The following FAM163B variants were observed in gnomAD, a reference collection of about 807,000 sequenced individuals.
FAM163B encodes protein FAM163B.
A neutral mutation model predicts 7.6 loss-of-function variants in FAM163B; 4 were observed. The observed-to-expected ratio is 0.52, with a 90% confidence interval of 0.26 to 1.20. The LOEUF (loss-of-function observed/expected upper bound fraction) is 1.20, where lower values mean the gene tolerates loss of function less well. Among genes scored for constraint, FAM163B ranks in the 50% most tolerant of loss-of-function variants. FAM163B has a pLI of 0.14. For synonymous variants in FAM163B, 120 were observed against 111.6 expected (o/e 1.07, Z -0.47); for missense variants, 250 against 243.0 (o/e 1.03, Z -0.19).
chr9:133,579,188 T>C lies in FAM163B; in HGVS notation c.335A>G (p.Glu112Gly), dbSNP rs748784338. The C allele has an allele frequency of 1.3e-5, 21 of 1,612,038 alleles. No individual in the cohort carries two copies. The East Asian group carries it at 4.7e-4, about 36-fold the overall frequency. ...FFLQEPPEEE[E>G]DVLNGGERVL... ...GCGCTCCCCGCCGTTCAGCACGTCC[T>C]CTTCCTCCTCCGGCGGCTCCTGCAG... is the stretch of plus-strand genomic sequence containing the variant. Residue 112 changes from glutamate (E) to glycine (G), a missense_variant, in exon 3 of 3, where the codon GAG becomes GGG. Physicochemically the swap from Glu to Gly is moderately conservative, Grantham distance 98. Coordinates refer to ENST00000673969, the MANE Select transcript of FAM163B (RefSeq NM_001080515.3).
rs2131203217 is a variant in FAM163B at position 133,577,944 on chromosome 9, C to G, written c.*1078G>C. On this transcript the variant is annotated 3_prime_UTR_variant, in exon 3 of 3. Coordinates refer to ENST00000673969, the MANE Select transcript of FAM163B (RefSeq NM_001080515.3). Reference sequence around the variant, plus strand: ...GTAGGCTCTGGCTGCTTGGGGTCCACCAGGAGCTGGGCCAGGCCTCCTAGG... The same window carrying G: ...GTAGGCTCTGGCTGCTTGGGGTCCAGCAGGAGCTGGGCCAGGCCTCCTAGG... Among the ~76,000 whole-genome samples, 1 of 152,256 alleles carries G rather than the reference C, an allele frequency of 6.6e-6. No individual in the cohort carries two copies. Among genetic ancestry groups the G allele is most frequent in the African/African-American group, 2.4e-5 (1 of 41,546 alleles).
chr9:133,589,617 C>T (rs927154736), intron 1 of FAM163B, among the ~76,000 whole-genome samples: 4 of 78,344 alleles, frequency 5.1e-5, no homozygotes, highest in Non-Finnish European at 9.4e-5. Flanking sequence ...CACCAGGGGG[C>T]GACACAGCGC....
rs376861544 is a variant in FAM163B at position 133,606,860 on chromosome 9, G to T, written c.-24+2217C>A. Among the ~76,000 whole-genome samples, 15 of 152,322 alleles carry T rather than the reference G, an allele frequency of 9.8e-5. No homozygotes were observed. Among genetic ancestry groups the T allele is most frequent in the African/African-American group, 3.4e-4 (14 of 41,572 alleles). On this transcript the variant is annotated intron_variant, in intron 1 of 2. Coordinates refer to ENST00000673969, the MANE Select transcript of FAM163B (RefSeq NM_001080515.3). This position sits in a 1 kb window ranked among gnomAD's most constrained non-coding sequence, Gnocchi z 4.0. ...TAATTATTCCTCGCTGGAGCCCGCT[G>T]CCATGAGGCTGCAGAGGCAGGCCCA...
chr9:133,588,838 G>T (rs142162193), intron 1 of FAM163B, among the ~76,000 whole-genome samples: 293 of 151,842 alleles, frequency 1.9e-3, no homozygotes, highest in African/African-American at 6.3e-3. Context: ...GGTCGTGGGC[G>T]CCAAGTTGTT....
At position 133,579,415 on chromosome 9, in the gene FAM163B, C is replaced by T. The variant is rs930286496; in HGVS notation, c.108G>A (p.Lys36=). ...CYCRLQYYCC[K]KDESEEDEEE... ...CCTCGTCCTCCTCCGACTCGTCCTT[C>T]TTGCAGCAGTAGTACTGCGGGCAGA... The change falls in exon 3 of 3, where the codon AAG becomes AAA. Residue 36 remains lysine, a synonymous_variant. Coordinates refer to ENST00000673969, the MANE Select transcript of FAM163B (RefSeq NM_001080515.3). 7 of 1,603,282 alleles carry T rather than the reference C, an allele frequency of 4.4e-6. No individual in the cohort carries two copies. In the African/African-American group the frequency reaches 5.3e-5, roughly 12 times the overall value.
chr9:133,592,124 G>A (rs1479553699), intron 1 of FAM163B, among the ~76,000 whole-genome samples: 2 of 152,144 alleles, frequency 1.3e-5, no homozygotes, highest in East Asian at 1.9e-4. Context: ...CCAGCTCCAC[G>A]AGGGTGGGCC....
intron 1 of FAM163B, among the ~76,000 whole-genome samples, chr9:133,584,819 A>C (rs889825367): frequency 1.2e-4 from 18 of 152,242 alleles, no homozygotes; most frequent in African/African-American, 4.1e-4. Context: ...GGTCAGGCCC[A>C]GCAACAGCCT....
intron 1 of FAM163B, among the ~76,000 whole-genome samples, chr9:133,602,614 A>T (rs956356520): frequency 9.2e-5 from 14 of 151,648 alleles, no homozygotes; most frequent in African/African-American, 3.2e-4. Flanking sequence ...TTTTTTTTTT[A>T]AATAGAGATC....
In FAM163B at chr9:133,600,780, C is replaced by T. The variant is rs1052668367; in HGVS notation, c.-24+8297G>A. Among the ~76,000 whole-genome samples the T allele has an allele frequency of 1.3e-5, 2 of 152,124 alleles. No individual in the cohort carries two copies. Among genetic ancestry groups the T allele is most frequent in the Admixed American group, 1.3e-4 (2 of 15,272 alleles). The stretch of plus-strand genomic sequence containing the variant: ...CAGAATCTGAGACTCCTTTCCTCTT[C>T]GATTCGGAAGGGACTTTGGAAGATA... On this transcript the variant is annotated intron_variant, in intron 1 of 2. Transcript: ENST00000673969. The surrounding 1 kb of genome is among the most constrained non-coding windows in gnomAD (Gnocchi z 4.9).
chr9:133,599,625 CATGT>C (rs373465149), intron 1 of FAM163B, among the ~76,000 whole-genome samples: 1 of 148,670 alleles, frequency 6.7e-6, no homozygotes, highest in East Asian at 2.0e-4. Context: ...TATCTGCATG[CATGT>C]ATGTGTAAGT....
At chr9:133,596,934 G>T (rs1057409124) in intron 1 of FAM163B, among the ~76,000 whole-genome samples, 1 of 152,230 alleles carries the variant, frequency 6.6e-6, no homozygotes, top group Non-Finnish European at 1.5e-5. Context: ...ATGAAGCACT[G>T]GGTAGAGCTG....
rs1246817561 is a variant in FAM163B at position 133,577,378 on chromosome 9, G to C, written c.*1644C>G. On this transcript the variant is annotated 3_prime_UTR_variant, in exon 3 of 3. Transcript: ENST00000673969. Reference sequence around the variant, plus strand: ...GGCGGGCCCGGGGGGCCGGGGCTGCGAGGGACCTCAAGGGCGAATGCCACT... The same window carrying C: ...GGCGGGCCCGGGGGGCCGGGGCTGCCAGGGACCTCAAGGGCGAATGCCACT... 3.3e-5 allele frequency among the ~76,000 whole-genome samples: 5 copies of C among 152,080 alleles called. No homozygotes were observed. Among genetic ancestry groups the C allele is most frequent in the African/African-American group, 4.8e-5 (2 of 41,406 alleles).
rs114298819 is a variant in FAM163B, at chr9:133,602,548, G to A, written c.-24+6529C>T. On this transcript the variant is annotated intron_variant, in intron 1 of 2. Coordinates refer to ENST00000673969, the MANE Select transcript of FAM163B (RefSeq NM_001080515.3). ...CAGCGAACAGGACGGCTCAGCCCAG[G>A]GGTGACAGAAAAGACCACACGAGTG... 2.5e-3 allele frequency among the ~76,000 whole-genome samples: 387 copies of A among 152,306 alleles called. 4 individuals carry two copies. Among genetic ancestry groups the A allele is most frequent in the African/African-American group, 8.7e-3 (361 of 41,564 alleles).
Position 133,577,187 on chromosome 9 carries a change from C to A in FAM163B, c.*1835G>T, listed in dbSNP as rs774981498. Among the ~76,000 whole-genome samples, 1 of 150,700 alleles carries A rather than the reference C, an allele frequency of 6.6e-6. No homozygotes were observed. Among genetic ancestry groups the A allele is most frequent in the Non-Finnish European group, 1.5e-5 (1 of 67,516 alleles). The stretch of plus-strand genomic sequence containing the variant: ...AGCTGGGAGGGATGGGTGCTTACTT[C>A]GTTTCAAAGAGATCTACATATCTAC... On this transcript the variant is annotated 3_prime_UTR_variant, in exon 3 of 3. Coordinates refer to ENST00000673969, the MANE Select transcript of FAM163B (RefSeq NM_001080515.3).
Position 133,599,831 on chromosome 9 carries a change from GTGTC to G in FAM163B, c.-24+9242_-24+9245del, listed in dbSNP as rs1316471882. ...CATGTGTGTATATGTGCATGAATGT[GTGTC>G]TGTGTACGAGTGTGTGTGCATGTGT... On this transcript the variant is annotated intron_variant, in intron 1 of 2. Coordinates refer to ENST00000673969, the MANE Select transcript of FAM163B (RefSeq NM_001080515.3). Among the ~76,000 whole-genome samples the G allele has an allele frequency of 5.9e-5, 9 of 151,292 alleles. No homozygotes were observed. In the South Asian group the frequency reaches 1.0e-3, roughly 18 times the overall value.
At chr9:133,595,786 T>C (rs967536349) in intron 1 of FAM163B, among the ~76,000 whole-genome samples, 1 of 152,226 alleles carries the variant, frequency 6.6e-6, no homozygotes, top group Non-Finnish European at 1.5e-5. Flanking sequence ...GTTTGTACCT[T>C]TACCCCATAC....
rs899802307 is a variant in FAM163B, at chr9:133,606,478, T to C, written c.-24+2599A>G. Among the ~76,000 whole-genome samples the C allele has an allele frequency of 1.3e-5, 2 of 152,078 alleles. No individual in the cohort carries two copies. The highest frequency in any genetic ancestry group is 4.8e-5 in the African/African-American group (2 of 41,396). ...CCCCACCCTGGCCTCTGTAGGGTGG[T>C]CCCCAGGACCACATGCTCTTGGCAT... On this transcript the variant is annotated intron_variant, in intron 1 of 2. Coordinates refer to ENST00000673969, the MANE Select transcript of FAM163B (RefSeq NM_001080515.3). This position sits in a 1 kb window ranked among gnomAD's most constrained non-coding sequence, Gnocchi z 4.0.
In FAM163B at chr9:133,577,617, G is replaced by A. The variant is rs1265390119; in HGVS notation, c.*1405C>T. Among the ~76,000 whole-genome samples the A allele has an allele frequency of 6.6e-6, 1 of 152,236 alleles. No individual in the cohort carries two copies. Among genetic ancestry groups the A allele is most frequent in the East Asian group, 1.9e-4 (1 of 5,182 alleles). ...GTCTTTGAGGGCGGTGCCTTCCCTG[G>A]GCAGAGAGGGGCTGCCCCGGCCCTG... On this transcript the variant is annotated 3_prime_UTR_variant, in exon 3 of 3. Coordinates refer to ENST00000673969, the MANE Select transcript of FAM163B (RefSeq NM_001080515.3).
intron 1 of FAM163B, among the ~76,000 whole-genome samples, chr9:133,602,088 A>G (rs1564197917): frequency 6.7e-6 from 1 of 149,784 alleles, no homozygotes; most frequent in East Asian, 2.0e-4. Context: ...CGCCCCCCCA[A>G]ACACACACAC....
Sources: allele counts gnomAD v4.1 joint callset (sites outside exome capture counted in the v4.1 genomes callset), GRCh38; gene constraint gnomAD v4.1.1; non-coding constraint Gnocchi (gnomAD v3.1); transcripts MANE v1.5; gene names NCBI Gene and HGNC (gene_info 2026-07-23, HGNC 2026-07-21).